SCUBE1: variants seen among roughly 807,000 people sequenced by gnomAD.
SCUBE1 encodes signal peptide, CUB and EGF-like domain-containing protein 1.
SCUBE1 carries 59 observed loss-of-function variants against 124.4 expected under a neutral mutation model. The observed-to-expected ratio is 0.47, with a 90% CI of 0.38 to 0.59. SCUBE1 has a LOEUF of 0.59. SCUBE1 is among the 20% of genes least tolerant of loss of function. SCUBE1 has a pLI of 0.00. For missense variants in SCUBE1, 1,150 were observed against 1,371.2 expected, an observed-to-expected ratio of 0.84 and a Z score of 2.55; for synonymous variants, 545 against 550.9, an observed-to-expected ratio of 0.99 and a Z score of 0.15.
rs779459116 is a variant in SCUBE1 at position 43,227,470 on chromosome 22, C to A, written c.1111G>T (p.Gly371Trp). The stretch of plus-strand genomic sequence containing the variant: ...TTGACGCAGCCCTGGTCACAGCTCC[C>A]GTTGCTCATGCTGCACTCGTCCACA... ...GDVDECSMSN[G>W]SCDQGCVNTK... Residue 371 changes from glycine (G) to tryptophan (W), a missense_variant, in exon 10 of 22, where the codon GGG becomes TGG. Physicochemically the swap from Gly to Trp is radical, Grantham distance 184. Around this residue, in one of 3 missense-constraint regions of SCUBE1, gnomAD observed 337 missense variants for 482.1 expected, o/e 0.70. Coordinates refer to ENST00000360835, the MANE Select transcript of SCUBE1 (RefSeq NM_173050.5). 4 of 1,612,966 alleles carry A rather than the reference C, an allele frequency of 2.5e-6. No homozygotes were observed. Among genetic ancestry groups the A allele is most frequent in the Non-Finnish European group, 2.5e-6 (3 of 1,179,894 alleles).
intron 3 of SCUBE1, among the ~76,000 whole-genome samples, chr22:43,315,676 G>A (rs1029382199): frequency 1.8e-4 from 26 of 147,804 alleles, no homozygotes; most frequent in African/African-American, 6.2e-4. Flanking sequence ...GAGCAACAGA[G>A]AGAGCCTTTT....
At chr22:43,238,616 T>C (rs978844540) in intron 7 of SCUBE1, 1 of 631,702 alleles carries the variant, frequency 1.6e-6, no homozygotes, top group Non-Finnish European at 2.9e-6. Context: ...TGATGTGCCG[T>C]GGGACCTGTG....
chr22:43,339,505 A>G (rs1286454612), intron 1 of SCUBE1, among the ~76,000 whole-genome samples: 1 of 151,928 alleles, frequency 6.6e-6, no homozygotes, highest in Non-Finnish European at 1.5e-5. Flanking sequence ...TCTGCTAAAA[A>G]GATGAGAAAA....
In SCUBE1 at chr22:43,198,272, G is replaced by C. The variant is rs2146638883; in HGVS notation, c.*5725C>G. On this transcript the variant is annotated 3_prime_UTR_variant, in exon 22 of 22. Transcript: ENST00000360835. ...TGGGGGGTGCAGACAATTCCAGGGG[G>C]CTCACTCAGGGGCTCTGAGTGGCAT... 3.3e-6 allele frequency: 1 copy of C among 303,166 alleles called. No individual in the cohort carries two copies. The highest frequency in any genetic ancestry group is 2.2e-5 in the African/African-American group (1 of 45,736). 18.8% of individuals were successfully genotyped at this position (303,166 alleles called of 1,614,324 possible).
chr22:43,272,187 G>C (rs906710224), intron 4 of SCUBE1, among the ~76,000 whole-genome samples: 1 of 152,128 alleles, frequency 6.6e-6, no homozygotes, highest in African/African-American at 2.4e-5. Context: ...TTGGATGTAG[G>C]GGAAAGAGTT....
chr22:43,289,444 G>A (rs1470254994), intron 4 of SCUBE1, among the ~76,000 whole-genome samples: 1 of 152,212 alleles, frequency 6.6e-6, no homozygotes, highest in Non-Finnish European at 1.5e-5. Flanking sequence ...CGGAGCTCGG[G>A]CTTTCTGTTC....
chr22:43,288,142 T>A (rs961643522), intron 4 of SCUBE1, among the ~76,000 whole-genome samples: 10 of 152,226 alleles, frequency 6.6e-5, no homozygotes, highest in Non-Finnish European at 1.5e-5. Context: ...AGAAGGCACT[T>A]CTTTAACCGA....
At chr22:43,303,434 T>G (rs909358322) in intron 3 of SCUBE1, among the ~76,000 whole-genome samples, 1 of 152,236 alleles carries the variant, frequency 6.6e-6, no homozygotes, top group Non-Finnish European at 1.5e-5. Context: ...AGTCCCTCCC[T>G]GTCAGGCCCC....
At chr22:43,229,217 G>A in intron 8 of SCUBE1, 29 bp from the exon 9 acceptor site, 2 of 1,498,234 alleles carry the variant, frequency 1.3e-6, no homozygotes, top group Non-Finnish European at 1.9e-6. Context: ...ACAAAGTTGG[G>A]GGAGGAGTTT....
chr22:43,261,316 C>T (rs988773713), intron 5 of SCUBE1, among the ~76,000 whole-genome samples: 6 of 152,334 alleles, frequency 3.9e-5, no homozygotes, highest in Admixed American at 3.9e-4. Flanking sequence ...TTTGGTCCTG[C>T]CCTGGGTGAC....
chr22:43,299,422 G>A (rs941768717), intron 3 of SCUBE1, among the ~76,000 whole-genome samples: 2 of 152,174 alleles, frequency 1.3e-5, no homozygotes, highest in Non-Finnish European at 2.9e-5. Flanking sequence ...AAGTGAAGCC[G>A]CTCGGCTCCT....
intron 15 of SCUBE1, 39 bp downstream of exon 15, chr22:43,218,216 A>G: frequency 3.1e-6 from 5 of 1,595,054 alleles, no homozygotes; most frequent in Non-Finnish European, 4.3e-6. Flanking sequence ...GCAAGGAAGG[A>G]CAGAGTCAGC....
chr22:43,214,359 TG>T, intron 15 of SCUBE1, 108 bp from the exon 16 acceptor site: 1 of 1,202,840 alleles, frequency 8.3e-7, no homozygotes, highest in Non-Finnish European at 1.1e-6. Context: ...CCTTGTCCCC[TG>T]GGGCCCCAAG....
intron 3 of SCUBE1, among the ~76,000 whole-genome samples, chr22:43,292,224 G>A (rs1303732669): frequency 1.3e-5 from 2 of 152,050 alleles, no homozygotes; most frequent in Admixed American, 1.3e-4. Context: ...CCTGACCTCC[G>A]GCTGCCAAGA....
chr22:43,319,917 G>A lies in SCUBE1; in HGVS notation c.349+20C>T. The A allele has an allele frequency of 6.2e-7, 1 of 1,613,626 alleles. No individual in the cohort carries two copies. ...CAGGCAGGGTGTGCCCAGAGGGTAGGCTACAGCTGTATCACTCACCCAGGC... is the reference window on the plus strand; with the variant it reads ...CAGGCAGGGTGTGCCCAGAGGGTAGACTACAGCTGTATCACTCACCCAGGC... On this transcript the variant is annotated intron_variant, in intron 3 of 21. Transcript: ENST00000360835.
At chr22:43,319,873 G>C in intron 3 of SCUBE1, 64 bp downstream of exon 3, 1 of 1,586,574 alleles carries the variant, frequency 6.3e-7, no homozygotes, top group Non-Finnish European at 8.6e-7. Flanking sequence ...TCCCAACTCT[G>C]TAAGCTGGAG....
In SCUBE1 at chr22:43,210,978, C is replaced by T; in HGVS notation, c.2327G>A (p.Cys776Tyr). The T allele has an allele frequency of 6.2e-7, 1 of 1,614,124 alleles. No individual in the cohort carries two copies. Among genetic ancestry groups the T allele is most frequent in the East Asian group, 2.2e-5 (1 of 44,882 alleles). The change falls in exon 18 of 22, where the codon TGT (cysteine) becomes TAT (tyrosine). Residue 776 changes from cysteine (C) to tyrosine (Y), a missense_variant. Coordinates refer to ENST00000360835, the MANE Select transcript of SCUBE1 (RefSeq NM_173050.5). The surrounding 1 kb of genome is among the most constrained non-coding windows in gnomAD (Gnocchi z 4.5). Reference sequence around the variant, plus strand: ...GAAGTCTGTGCTGGTGTTGCCCGGACAGGTGATGCAGTGGTTCTGGCCAAA... The same window carrying T: ...GAAGTCTGTGCTGGTGTTGCCCGGATAGGTGATGCAGTGGTTCTGGCCAAA... ...PEFGQNHCIT[C>Y]PGNTSTDFDG...
intron 21 of SCUBE1, among the ~76,000 whole-genome samples, chr22:43,204,766 G>A (rs1156391685): frequency 6.6e-6 from 1 of 151,566 alleles, no homozygotes; most frequent in Non-Finnish European, 1.5e-5. Flanking sequence ...TCAACATGGG[G>A]AAACCCCATC....
At chr22:43,334,455 G>A (rs184581606) in intron 2 of SCUBE1, among the ~76,000 whole-genome samples, 1 of 152,264 alleles carries the variant, frequency 6.6e-6, no homozygotes, top group East Asian at 1.9e-4. Context: ...CAAAGCTTTA[G>A]TTCTTTCACA....
Sources: allele counts gnomAD v4.1 joint callset (sites outside exome capture counted in the v4.1 genomes callset), GRCh38; gene constraint gnomAD v4.1.1; regional missense constraint gnomAD v4.1.1; non-coding constraint Gnocchi (gnomAD v3.1); transcripts MANE v1.5; gene names NCBI Gene and HGNC (gene_info 2026-07-23, HGNC 2026-07-21).